Variants in KCNIP4 observed in about 807,000 individuals in gnomAD.
The protein encoded by KCNIP4 is potassium voltage-gated channel interacting protein 4, also known as Kv channel-interacting protein 4.
Under a neutral mutation model 34.0 loss-of-function variants are expected in KCNIP4, and 12 were observed. The observed-to-expected ratio is 0.35, with a 90% CI of 0.23 to 0.57. KCNIP4 has a LOEUF of 0.57. Among genes scored for constraint, KCNIP4 ranks in the 20% least tolerant of loss-of-function variants. KCNIP4 has a pLI of 0.83. For synonymous variants in KCNIP4, 124 were observed against 102.2 expected, an observed-to-expected ratio of 1.21 and a Z score of -1.29; for missense variants, 238 against 311.7, an observed-to-expected ratio of 0.76 and a Z score of 1.78.
chr4:21,242,035 G>C (rs968278041), intron 1 of KCNIP4, among the ~76,000 whole-genome samples: 7 of 151,814 alleles, frequency 4.6e-5, no homozygotes, highest in African/African-American at 9.7e-5. Context: ...GTGGTGGTGG[G>C]TGCCTGCAGT....
intron 1 of KCNIP4, among the ~76,000 whole-genome samples, chr4:21,783,192 C>G (rs1719682385): frequency 6.6e-6 from 1 of 152,134 alleles, no homozygotes; most frequent in Admixed American, 6.5e-5. Context: ...GCTTTAGTTA[C>G]ATAAGAGGTA....
At chr4:21,436,283 C>G (rs1726939037) in intron 1 of KCNIP4, among the ~76,000 whole-genome samples, 1 of 152,136 alleles carries the variant, frequency 6.6e-6, no homozygotes, top group South Asian at 2.1e-4. Context: ...TTCCTTCCTA[C>G]TAAAATTTAA....
chr4:20,847,380 A>G (rs990743598), intron 3 of KCNIP4, among the ~76,000 whole-genome samples: 1 of 152,150 alleles, frequency 6.6e-6, no homozygotes, highest in Admixed American at 6.5e-5. Flanking sequence ...TCACCTTGGA[A>G]CTTGTAAAAA....
intron 1 of KCNIP4, among the ~76,000 whole-genome samples, chr4:21,470,338 A>C (rs1730353900): frequency 6.6e-6 from 1 of 152,178 alleles, no homozygotes; most frequent in Non-Finnish European, 1.5e-5. Context: ...GAAAGGGAAG[A>C]AAGGAAAGAG....
intron 1 of KCNIP4, among the ~76,000 whole-genome samples, chr4:21,519,851 T>G (rs552936074): frequency 7.0e-6 from 1 of 142,686 alleles, no homozygotes; most frequent in African/African-American, 2.5e-5. Flanking sequence ...GTGTATATAT[T>G]TATATATTTA....
At chr4:21,208,815 G>A (rs1757029686) in intron 1 of KCNIP4, among the ~76,000 whole-genome samples, 1 of 152,150 alleles carries the variant, frequency 6.6e-6, no homozygotes, top group Admixed American at 6.5e-5. Flanking sequence ...GCATGGCTCA[G>A]GAGGCGTCAG....
At chr4:20,765,744 A>G (rs1755340852) in intron 3 of KCNIP4, among the ~76,000 whole-genome samples, 1 of 152,322 alleles carries the variant, frequency 6.6e-6, no homozygotes, top group Admixed American at 6.5e-5. Context: ...CTTCACTGTG[A>G]TATGATCACA....
intron 5 of KCNIP4, among the ~76,000 whole-genome samples, chr4:20,736,219 C>T (rs1029923149): frequency 2.6e-5 from 4 of 152,138 alleles, no homozygotes; most frequent in African/African-American, 9.7e-5. Context: ...ATTTGTTTTA[C>T]TAGCTAACAG....
intron 1 of KCNIP4, among the ~76,000 whole-genome samples, chr4:21,370,802 T>A (rs1484543011): frequency 4.8e-4 from 2 of 4,150 alleles, no homozygotes; most frequent in African/African-American, 1.5e-3. Context: ...TGGATTGAAA[T>A]ATATATATAT....
At chr4:21,637,042 C>A (rs761964287) in intron 1 of KCNIP4, among the ~76,000 whole-genome samples, 1 of 152,070 alleles carries the variant, frequency 6.6e-6, no homozygotes, top group African/African-American at 2.4e-5. Flanking sequence ...GTGTTTACAG[C>A]TGGCTCTCTG....
chr4:21,287,250 T>G lies in KCNIP4; in HGVS notation c.62-404541A>C, dbSNP rs931949644. On this transcript the variant is annotated intron_variant, in intron 1 of 8. Transcript: ENST00000382152. ...CGCCTGAAATGTTGTGAGCTCACATTAATTTGGGAAATAAAATAAGTATCA... is the reference window on the plus strand; with the variant it reads ...CGCCTGAAATGTTGTGAGCTCACATGAATTTGGGAAATAAAATAAGTATCA... Among the ~76,000 whole-genome samples, 3 of 152,208 alleles carry G rather than the reference T, an allele frequency of 2.0e-5. No homozygotes were observed. The East Asian group carries it at 5.8e-4, about 29-fold the overall frequency.
At chr4:21,837,364 T>C (rs923453631) in intron 1 of KCNIP4, among the ~76,000 whole-genome samples, 10 of 149,010 alleles carry the variant, frequency 6.7e-5, no homozygotes, top group Non-Finnish European at 1.3e-4. Flanking sequence ...TGAAACTCCA[T>C]CTCTACTAAA....
At chr4:21,190,900 T>C (rs1000894573) in intron 1 of KCNIP4, among the ~76,000 whole-genome samples, 8 of 152,296 alleles carry the variant, frequency 5.3e-5, no homozygotes, top group Admixed American at 5.2e-4. Flanking sequence ...TAAGGAAACC[T>C]TGAAAGAAAA....
chr4:21,752,991 G>T (rs796920996), intron 1 of KCNIP4, among the ~76,000 whole-genome samples: 5 of 152,078 alleles, frequency 3.3e-5, no homozygotes, highest in Admixed American at 3.3e-4. Context: ...CAATTAGAGG[G>T]TTTTTTTTTA....
intron 1 of KCNIP4, among the ~76,000 whole-genome samples, chr4:21,286,010 C>T (rs1398703958): frequency 6.6e-6 from 1 of 152,190 alleles, no homozygotes; most frequent in Non-Finnish European, 1.5e-5. Flanking sequence ...AAATTGCTCG[C>T]CAGAGCACTC....
chr4:20,887,098 T>C (rs1725395889), intron 1 of KCNIP4, among the ~76,000 whole-genome samples: 1 of 151,638 alleles, frequency 6.6e-6, no homozygotes, highest in African/African-American at 2.4e-5. Context: ...ATTCTAGAAA[T>C]AAAAAGAAAA....
chr4:21,401,516 T>C (rs1723558930), intron 1 of KCNIP4, among the ~76,000 whole-genome samples: 1 of 152,186 alleles, frequency 6.6e-6, no homozygotes, highest in Admixed American at 6.5e-5. Context: ...CCATGTTGAA[T>C]GTGAGTCTGC....
At chr4:21,350,240 G>A (rs1354310894) in intron 1 of KCNIP4, among the ~76,000 whole-genome samples, 1 of 152,110 alleles carries the variant, frequency 6.6e-6, no homozygotes, top group Admixed American at 6.5e-5. Flanking sequence ...CTTGAGTCAT[G>A]CTCTATCATT....
At chr4:21,486,611 A>G (rs1731936527) in intron 1 of KCNIP4, among the ~76,000 whole-genome samples, 1 of 152,028 alleles carries the variant, frequency 6.6e-6, no homozygotes, top group Non-Finnish European at 1.5e-5. Context: ...GACAAAGGTA[A>G]TTTTCCTTCC....
Sources: allele counts gnomAD v4.1 joint callset (sites outside exome capture counted in the v4.1 genomes callset), GRCh38; gene constraint gnomAD v4.1.1; transcripts MANE v1.5; gene names NCBI Gene and HGNC (gene_info 2026-07-23, HGNC 2026-07-21).